Variants in TMC5 observed in about 807,000 individuals in gnomAD.
The protein encoded by TMC5 is transmembrane channel like 5.
TMC5 carries 86 observed loss-of-function variants against 110.5 expected under a neutral mutation model. The ratio of observed to expected loss-of-function variants is 0.78; its 90% confidence interval spans 0.65 to 0.93. TMC5 has a LOEUF of 0.93. TMC5 is among the 40% of genes least tolerant of loss of function. The pLI is 0.00. For missense variants in TMC5, 1,144 were observed against 1,222.8 expected (o/e 0.94, Z 0.96); for synonymous variants, 455 against 439.5 (o/e 1.04, Z -0.44).
chr16:19,433,181 T>C (rs1434135264), intron 2 of TMC5, among the ~76,000 whole-genome samples: 1 of 152,172 alleles, frequency 6.6e-6, no homozygotes, highest in Non-Finnish European at 1.5e-5. Context: ...TCTTAAAACA[T>C]AAAGGTTTGT....
intron 10 of TMC5, among the ~76,000 whole-genome samples, chr16:19,470,549 T>G (rs1259745034): frequency 6.6e-6 from 1 of 151,722 alleles, no homozygotes; most frequent in East Asian, 1.9e-4. Flanking sequence ...GAGACTTTTT[T>G]GATTGTTACA....
At chr16:19,435,199 T>G (rs1329278913) in intron 2 of TMC5, among the ~76,000 whole-genome samples, 1 of 151,954 alleles carries the variant, frequency 6.6e-6, no homozygotes, top group African/African-American at 2.4e-5. Flanking sequence ...TTTTTAAAAT[T>G]TAGGAGTATA....
At chr16:19,441,895 C>T (rs529985291) in intron 3 of TMC5, among the ~76,000 whole-genome samples, 1 of 152,294 alleles carries the variant, frequency 6.6e-6, no homozygotes, top group Non-Finnish European at 1.5e-5. Context: ...CCTCTGCCTC[C>T]CGGGTTCAAG....
intron 17 of TMC5, 115 bp downstream of exon 17, chr16:19,487,441 C>T (rs1968774647): frequency 3.0e-6 from 4 of 1,354,032 alleles, no homozygotes; most frequent in Non-Finnish European, 3.9e-6. Context: ...GTGGCTCACG[C>T]CTGTGATCCC....
upstream of TMC5, among the ~76,000 whole-genome samples, chr16:19,416,474 G>A (rs1011847671): frequency 2.0e-5 from 3 of 152,180 alleles, no homozygotes; most frequent in Admixed American, 6.5e-5. Context: ...CTGGGAATGT[G>A]AGTCTTAGGT....
intron 1 of TMC5, chr16:19,411,468 C>T (rs943691932): frequency 1.3e-5 from 2 of 152,126 alleles, no homozygotes; most frequent in African/African-American, 4.8e-5. Flanking sequence ...CAGTTTCAGA[C>T]AGTTAAGTAA....
At chr16:19,434,459 T>TAG (rs1967294006) in intron 2 of TMC5, among the ~76,000 whole-genome samples, 3 of 56,864 alleles carry the variant, frequency 5.3e-5, no homozygotes, top group African/African-American at 6.8e-5. Flanking sequence ...TATATATCTA[T>TAG]ATCTATAGAT....
Position 19,498,047 on chromosome 16 carries a change from T to C in TMC5, c.*81T>C. 1 of 1,364,354 alleles carries C rather than the reference T, an allele frequency of 7.3e-7. No homozygotes were observed. Among genetic ancestry groups the C allele is most frequent in the South Asian group, 1.2e-5 (1 of 86,090 alleles). The allele number at this position is 1,364,354 out of a possible 1,614,324, so 84.5% of individuals were successfully genotyped here. ...TGATTTCTTCCATGCCACCTGTGCC[T>C]TTAGGAACTGCCCAGAAGAAAATCC... On this transcript the variant is annotated 3_prime_UTR_variant, in exon 22 of 22. Transcript: ENST00000542583.
chr16:19,438,914 G>C (rs1431608872), intron 2 of TMC5, among the ~76,000 whole-genome samples: 3 of 152,212 alleles, frequency 2.0e-5, no homozygotes, highest in Admixed American at 2.0e-4. Context: ...GAGGGACTTA[G>C]GTGCTGCCAC....
intron 11 of TMC5, 117 bp downstream of exon 11, chr16:19,472,360 A>G: frequency 1.7e-6 from 2 of 1,165,356 alleles, no homozygotes; most frequent in Non-Finnish European, 2.4e-6. Context: ...CAGCATCAGC[A>G]CTAGCAGAGA....
chr16:19,483,394 G>A (rs935655699), intron 15 of TMC5, among the ~76,000 whole-genome samples: 2 of 152,180 alleles, frequency 1.3e-5, no homozygotes, highest in African/African-American at 4.8e-5. Flanking sequence ...TTTGGAACTG[G>A]ATAAACTGAA....
intron 5 of TMC5, chr16:19,457,109 GC>G: frequency 9.0e-7 from 1 of 1,110,118 alleles, no homozygotes; most frequent in Non-Finnish European, 1.3e-6. Context: ...ATCAAGTGGG[GC>G]CAGGCGTGGT....
intron 20 of TMC5, among the ~76,000 whole-genome samples, chr16:19,495,544 C>T (rs1054550250): frequency 2.0e-5 from 3 of 152,050 alleles, no homozygotes; most frequent in African/African-American, 7.2e-5. Flanking sequence ...ATACTTAAAA[C>T]AGTAGGTAAT....
At chr16:19,430,347 G>A (rs1208185866) in intron 1 of TMC5, 66 bp from the exon 2 acceptor site, 1 of 152,182 alleles carries the variant, frequency 6.6e-6, no homozygotes, top group African/African-American at 2.4e-5. Context: ...AAATGCACAG[G>A]ATTGGGTTGT....
intron 21 of TMC5, 85 bp from the exon 22 acceptor site, chr16:19,497,835 A>C: frequency 8.0e-7 from 1 of 1,245,800 alleles, no homozygotes; most frequent in Non-Finnish European, 1.1e-6. Context: ...GAAGCTATGG[A>C]ATCTTGAAGG....
At chr16:19,461,408 T>C (rs769993725) in intron 6 of TMC5, among the ~76,000 whole-genome samples, 1 of 151,966 alleles carries the variant, frequency 6.6e-6, no homozygotes, top group Non-Finnish European at 1.5e-5. Flanking sequence ...ACCTTGTCTC[T>C]ACTAAAAATA....
chr16:19,484,607 A>G (rs1174046676), intron 15 of TMC5, among the ~76,000 whole-genome samples: 1 of 152,172 alleles, frequency 6.6e-6, no homozygotes, highest in South Asian at 2.1e-4. Flanking sequence ...ACTAAAAAAT[A>G]CAAATTAGCC....
chr16:19,434,136 A>G (rs1363084176), intron 2 of TMC5, among the ~76,000 whole-genome samples: 2 of 88,270 alleles, frequency 2.3e-5, no homozygotes, highest in South Asian at 3.7e-4. Flanking sequence ...TCTAAAATAT[A>G]TATATCTATA....
At position 19,498,558 on chromosome 16, in the gene TMC5, G is replaced by A. The variant is rs2151441525; in HGVS notation, c.*592G>A. On this transcript the variant is annotated 3_prime_UTR_variant, in exon 22 of 22. Coordinates refer to ENST00000542583, the MANE Select transcript of TMC5 (RefSeq NM_001261841.2). ...GTCTTTGGAGTCGGGGATGGAGGAG[G>A]TTCTGCCCCTGTGAGGTGTTATACA... 6.5e-6 allele frequency: 1 copy of A among 152,736 alleles called. No homozygotes were observed. Among genetic ancestry groups the A allele is most frequent in the Middle Eastern group, 3.4e-3 (1 of 294 alleles). 9.5% of individuals were successfully genotyped at this position (152,736 alleles called of 1,614,324 possible). A position where few individuals can be genotyped will look rare whatever the true frequency, so the allele number is the denominator to read the frequency against.
Sources: allele counts gnomAD v4.1 joint callset (sites outside exome capture counted in the v4.1 genomes callset), GRCh38; gene constraint gnomAD v4.1.1; transcripts MANE v1.5; gene names NCBI Gene and HGNC (gene_info 2026-07-23, HGNC 2026-07-21).